The following ABCA13 variants were observed in gnomAD, a reference collection of about 807,000 sequenced individuals.
ABCA13 encodes the protein ATP binding cassette subfamily A member 13.
A neutral mutation model predicts 478.7 loss-of-function variants in ABCA13; 476 were observed. The observed-to-expected ratio is 0.99, with a 90% CI of 0.92 to 1.07. The LOEUF is 1.07. ABCA13 is among the 50% of genes least tolerant of loss of function. The probability of loss-of-function intolerance (pLI) is 0.00; values close to 1 mark genes in which losing one functional copy is unlikely to be tolerated. For missense variants in ABCA13, 6,060 were observed against 5,910.6 expected (o/e 1.03, Z -0.83); for synonymous variants, 2,252 against 2,158.9 (o/e 1.04, Z -1.20).
intron 44 of ABCA13, among the ~76,000 whole-genome samples, chr7:48,470,538 T>C (rs984800200): frequency 6.6e-6 from 1 of 152,244 alleles, no homozygotes; most frequent in Non-Finnish European, 1.5e-5. Flanking sequence ...TGTAAACTCT[T>C]AAGTTTCAAA....
At chr7:48,577,933 T>A (rs1429881903) in intron 55 of ABCA13, among the ~76,000 whole-genome samples, 5 of 152,120 alleles carry the variant, frequency 3.3e-5, no homozygotes, top group African/African-American at 9.7e-5. Context: ...TGAAAATCAA[T>A]TAATATAATC....
intron 55 of ABCA13, among the ~76,000 whole-genome samples, chr7:48,541,972 GAAAAC>G (rs1377025031): frequency 6.6e-6 from 1 of 150,512 alleles, no homozygotes; most frequent in African/African-American, 2.4e-5. Flanking sequence ...TTATGCAAAT[GAAAAC>G]AAAACAAAAC....
Position 48,421,943 on chromosome 7 carries a change from C to T in ABCA13, c.12460-5823C>T, listed in dbSNP as rs187210585. ...GTCCTCCTGTGTGCAGCTCATCTTC[C>T]AAGGCCTCCACACTGCTTTGCTGCT... On this transcript the variant is annotated intron_variant, in intron 41 of 61. Coordinates refer to ENST00000435803, the MANE Select transcript of ABCA13 (RefSeq NM_152701.5). 4.0e-5 allele frequency among the ~76,000 whole-genome samples: 6 copies of T among 150,866 alleles called. No individual in the cohort carries two copies. In the East Asian group the frequency reaches 1.2e-3, roughly 30 times the overall value.
chr7:48,441,378 C>T (rs1823565929), intron 42 of ABCA13, among the ~76,000 whole-genome samples: 1 of 152,266 alleles, frequency 6.6e-6, no homozygotes, highest in East Asian at 1.9e-4. Flanking sequence ...GTTATTGATT[C>T]CTACTCCTGG....
At chr7:48,415,659 C>G (rs949411847) in intron 41 of ABCA13, among the ~76,000 whole-genome samples, 2 of 151,984 alleles carry the variant, frequency 1.3e-5, no homozygotes, top group African/African-American at 2.4e-5. Flanking sequence ...CTTGGTAATA[C>G]TTTTAATTTT....
In ABCA13 at chr7:48,245,957, A is replaced by G; in HGVS notation, c.1586A>G (p.Gln529Arg). The G allele has an allele frequency of 1.9e-6, 3 of 1,613,914 alleles. No homozygotes were observed. The highest frequency in any genetic ancestry group is 2.5e-6 in the Non-Finnish European group (3 of 1,179,830). Residue 529 changes from glutamine to arginine, a missense_variant, in exon 13 of 62, where the codon CAG (glutamine) becomes CGG (arginine). Transcript: ENST00000435803. The part of the protein sequence containing the change: ...PGNSSIWGGL[Q>R]GLLCYCNSSE... ...AACTCCAGCATATGGGGTGGTCTCC[A>G]GGGACTGTTGTGCTATTGTAACTCC...
chr7:48,245,930 GA>G lies in ABCA13; in HGVS notation c.1562del (p.Asn521ThrfsTer23), dbSNP rs761836546. The G allele has an allele frequency of 1.2e-6, 2 of 1,613,642 alleles. No homozygotes were observed. The highest frequency in any genetic ancestry group is 1.7e-6 in the Non-Finnish European group (2 of 1,179,778). On this transcript the variant is annotated frameshift_variant, in exon 13 of 62. Coordinates refer to ENST00000435803, the MANE Select transcript of ABCA13 (RefSeq NM_152701.5). LOFTEE classifies it high-confidence loss of function. ...FSEKEVFLPP[G>X]NSSIWGGLQG... is the part of the protein sequence containing the mutation. ...GAGAAGGAGGTCTTTTTGCCGCCTG[GA>G]AACTCCAGCATATGGGGTGGTCTCC...
In ABCA13 at chr7:48,506,324, T is replaced by C. The variant is rs757933654; in HGVS notation, c.13292-12T>C. 3.1e-6 allele frequency: 5 copies of C among 1,613,526 alleles called. No individual in the cohort carries two copies. The highest frequency in any genetic ancestry group is 4.2e-6 in the Non-Finnish European group (5 of 1,179,656). On this transcript the variant is annotated splice_polypyrimidine_tract_variant and intron_variant, in intron 48 of 61. Coordinates refer to ENST00000435803, the MANE Select transcript of ABCA13 (RefSeq NM_152701.5). ...CAGGCTGAAGGCTCACTTTTCAATT[T>C]GTCTTTCACAGGAATAACACTCTAC... is the stretch of plus-strand genomic sequence containing the variant.
chr7:48,186,536 G>T (rs1796373140), intron 1 of ABCA13, among the ~76,000 whole-genome samples: 1 of 149,922 alleles, frequency 6.7e-6, no homozygotes, highest in Admixed American at 6.6e-5. Flanking sequence ...AGTAAATGTG[G>T]TATGTACTTT....
chr7:48,579,305 A>G (rs1788478972), intron 55 of ABCA13, among the ~76,000 whole-genome samples: 1 of 152,246 alleles, frequency 6.6e-6, no homozygotes, highest in African/African-American at 2.4e-5. Flanking sequence ...ACAGAGTTAA[A>G]ACATGGGTGA....
chr7:48,380,933 C>A (rs1046418913), intron 35 of ABCA13, among the ~76,000 whole-genome samples: 6 of 152,148 alleles, frequency 3.9e-5, no homozygotes, highest in African/African-American at 1.4e-4. Context: ...CAGCCCAGGG[C>A]AAGGTACCAG....
In ABCA13 at chr7:48,557,700, G is replaced by A. The variant is rs80147822; in HGVS notation, c.14355-22524G>A. On this transcript the variant is annotated intron_variant, in intron 55 of 61. Coordinates refer to ENST00000435803, the MANE Select transcript of ABCA13 (RefSeq NM_152701.5). ...GTCTTCTTTTGGTTAAATCTGCTTG[G>A]TGTTCTATTTGTTTGGTGCAAAAGT... 2.0e-4 allele frequency among the ~76,000 whole-genome samples: 30 copies of A among 151,542 alleles called. No homozygotes were observed. In the East Asian group the frequency reaches 5.8e-3, roughly 29 times the overall value.
intron 59 of ABCA13, among the ~76,000 whole-genome samples, chr7:48,628,395 TA>T (rs1793864045): frequency 6.6e-6 from 1 of 152,184 alleles, no homozygotes. Flanking sequence ...TTTTACTTTA[TA>T]CAGAGCTGAT....
intron 38 of ABCA13, among the ~76,000 whole-genome samples, chr7:48,399,598 T>C (rs62449236): frequency 0.21 from 31,184 of 152,082 alleles, 3,491 homozygotes; most frequent in East Asian, 0.23. Flanking sequence ...TGGTTGTGAG[T>C]AAATGGGATT....
intron 32 of ABCA13, among the ~76,000 whole-genome samples, chr7:48,369,698 C>T (rs1280302446): frequency 6.6e-6 from 1 of 152,026 alleles, no homozygotes; most frequent in Non-Finnish European, 1.5e-5. Context: ...GATCAGTTGG[C>T]TGTAAATATT....
chr7:48,368,702 T>TATATATATATATACACATACAC (rs1812129867), intron 32 of ABCA13, among the ~76,000 whole-genome samples: 1 of 141,130 alleles, frequency 7.1e-6, no homozygotes, highest in Non-Finnish European at 1.5e-5. Context: ...TATATATATA[T>TATATATATATATACACATACAC]ATATATATAT....
At position 48,227,681 on chromosome 7, in the gene ABCA13, G is replaced by A. The variant is rs145659547; in HGVS notation, c.632+256G>A. On this transcript the variant is annotated intron_variant, in intron 6 of 61. Coordinates refer to ENST00000435803, the MANE Select transcript of ABCA13 (RefSeq NM_152701.5). ...AGTCAGCGCCATATTTTAATATTTT[G>A]TATGTTGTTATAGTTTATAAATGGC... 1.7e-3 allele frequency among the ~76,000 whole-genome samples: 257 copies of A among 152,218 alleles called. 2 individuals carry two copies. Among genetic ancestry groups the A allele is most frequent in the South Asian group, 0.017 (81 of 4,828 alleles).
chr7:48,276,629 C>A, intron 17 of ABCA13, 64 bp downstream of exon 17: 1 of 1,357,580 alleles, frequency 7.4e-7, no homozygotes, highest in Non-Finnish European at 1.0e-6. Context: ...ACTTTATTTT[C>A]TGGAGTATAG....
Position 48,279,286 on chromosome 7 carries a change from C to T in ABCA13, c.8092C>T (p.Pro2698Ser), listed in dbSNP as rs1291882702. 2.5e-6 allele frequency: 4 copies of T among 1,588,488 alleles called. No individual in the cohort carries two copies. The highest frequency in any genetic ancestry group is 3.4e-6 in the Non-Finnish European group (4 of 1,165,412). ...CCAAATGGACTTCTTATACCCTAATCCAATTTCCACTCATAGTGGCCCTCA... is the reference window on the plus strand; with the variant it reads ...CCAAATGGACTTCTTATACCCTAATTCAATTTCCACTCATAGTGGCCCTCA... ...TNQMDFLYPN[P>S]ISTHSGPQDI... Residue 2698 changes from proline to serine, a missense_variant, in exon 18 of 62, where the codon CCA becomes TCA. Transcript: ENST00000435803.
Sources: gnomAD v4.1 joint callset for allele counts (sites outside exome capture counted in the v4.1 genomes callset) on GRCh38, gnomAD v4.1.1 for gene constraint, MANE v1.5 for transcripts, NCBI Gene and HGNC (gene_info 2026-07-23, HGNC 2026-07-21) for gene names.